SMG1: variants seen among roughly 807,000 people sequenced by gnomAD.
SMG1 encodes serine/threonine-protein kinase SMG1.
In SMG1, 22 loss-of-function variants were observed where a neutral mutation model predicts 419.9. The observed-to-expected ratio is 0.05, with a 90% confidence interval of 0.04 to 0.07. SMG1 has a LOEUF of 0.07. Among genes scored for constraint, SMG1 ranks in the 10% least tolerant of loss-of-function variants. SMG1 has a pLI of 1.00. For synonymous variants in SMG1, 1,538 were observed against 1,553.5 expected, an observed-to-expected ratio of 0.99 and a Z score of 0.23; for missense variants, 3,185 against 4,342.0, an observed-to-expected ratio of 0.73 and a Z score of 7.49.
At chr16:18,901,153 C>T (rs8044576) in intron 1 of SMG1, among the ~76,000 whole-genome samples, 74,709 of 151,700 alleles carry the variant, frequency 0.49, 18,730 homozygotes, top group Middle Eastern at 0.59. Flanking sequence ...TATAATTTAT[C>T]GGTAAAACTA....
intron 33 of SMG1, among the ~76,000 whole-genome samples, chr16:18,851,202 C>A (rs536897171): frequency 1.3e-5 from 2 of 152,370 alleles, no homozygotes; most frequent in Admixed American, 6.5e-5. Context: ...CTGCTGTTTA[C>A]AGCAAGAACT....
At chr16:18,893,381 T>G (rs2036969924) in intron 3 of SMG1, among the ~76,000 whole-genome samples, 1 of 152,186 alleles carries the variant, frequency 6.6e-6, no homozygotes, top group Non-Finnish European at 1.5e-5. Flanking sequence ...ACCCAGCACT[T>G]TGGAAGGCCA....
rs2034648373 is a variant in SMG1 at position 18,852,315 on chromosome 16, T to C, written c.4913+3A>G. The C allele has an allele frequency of 6.2e-7, 1 of 1,608,904 alleles. No homozygotes were observed. The highest frequency in any genetic ancestry group is 1.3e-5 in the African/African-American group (1 of 74,600). ...CATAAATAAACTACACATTTAAACA[T>C]ACCTGGCATTGTCAACCACCTTTCT... On this transcript the variant is annotated splice_donor_region_variant and intron_variant, in intron 32 of 62. Coordinates refer to ENST00000446231, the MANE Select transcript of SMG1 (RefSeq NM_015092.5).
intron 54 of SMG1, 118 bp downstream of exon 54, chr16:18,829,168 G>A: frequency 1.3e-6 from 1 of 769,726 alleles, no homozygotes; most frequent in South Asian, 1.9e-5. Flanking sequence ...GTTTGCATTG[G>A]GTTGCTGTGA....
intron 10 of SMG1, 37 bp from the exon 11 acceptor site, chr16:18,879,756 T>A (rs544406755): frequency 1.0e-5 from 16 of 1,554,152 alleles, no homozygotes; most frequent in South Asian, 7.9e-5. Context: ...TTTAAAAAAA[T>A]TCACGTGCTT....
In SMG1 at chr16:18,805,867, T is replaced by C. The variant is rs935470651; in HGVS notation, c.*3702A>G. On this transcript the variant is annotated 3_prime_UTR_variant, in exon 63 of 63. Transcript: ENST00000446231. ...AAACAAAGATGCTTAAATGTGCGAATAGTAAAGCATTCACTGATATTTGAT... is the reference window on the plus strand; with the variant it reads ...AAACAAAGATGCTTAAATGTGCGAACAGTAAAGCATTCACTGATATTTGAT... 1.3e-5 allele frequency: 2 copies of C among 152,582 alleles called. No individual in the cohort carries two copies. The highest frequency in any genetic ancestry group is 2.1e-4 in the South Asian group (1 of 4,834). The allele number at this position is 152,582 out of a possible 1,614,324, so 9.5% of individuals were successfully genotyped here.
At chr16:18,874,492 T>A (rs1031727913) in intron 13 of SMG1, among the ~76,000 whole-genome samples, 1 of 134,158 alleles carries the variant, frequency 7.5e-6, no homozygotes, top group Non-Finnish European at 1.6e-5. Flanking sequence ...TGTGGTCCAA[T>A]AGGAAGAAGA....
Position 18,853,345 on chromosome 16 carries a change from T to C in SMG1, c.4768+238A>G, listed in dbSNP as rs1376366919. On this transcript the variant is annotated intron_variant, in intron 31 of 62. Coordinates refer to ENST00000446231, the MANE Select transcript of SMG1 (RefSeq NM_015092.5). ...TTTTGATATGAGGGGCAGGATCTTA[T>C]TGCCAGCAAAAACATCTAAGTCCAT... 2.0e-5 allele frequency among the ~76,000 whole-genome samples: 3 copies of C among 152,298 alleles called. No homozygotes were observed. The South Asian group carries it at 6.2e-4, about 32-fold the overall frequency.
intron 55 of SMG1, among the ~76,000 whole-genome samples, chr16:18,827,478 A>ATCTTTGG (rs2032788342): frequency 1.4e-5 from 2 of 145,278 alleles, no homozygotes; most frequent in African/African-American, 2.5e-5. Context: ...ATTTTTATAT[A>ATCTTTGG]TATTTGGTAT....
intron 1 of SMG1, among the ~76,000 whole-genome samples, chr16:18,919,083 T>C (rs1420396102): frequency 1.3e-5 from 2 of 152,116 alleles, no homozygotes; most frequent in Admixed American, 1.3e-4. Context: ...TCCCAGCACT[T>C]TGGGAGGCCA....
At chr16:18,846,846 T>C (rs1049473663) in intron 38 of SMG1, among the ~76,000 whole-genome samples, 5 of 152,184 alleles carry the variant, frequency 3.3e-5, no homozygotes, top group Non-Finnish European at 7.3e-5. Context: ...AATTGCCATA[T>C]TGCCATACGA....
rs1283439563 is a variant in SMG1 at position 18,879,656 on chromosome 16, A to G, written c.1357T>C (p.Leu453=). The change falls in exon 11 of 63, where the codon TTG becomes CTG. Residue 453 remains leucine (L), a synonymous_variant. Coordinates refer to ENST00000446231, the MANE Select transcript of SMG1 (RefSeq NM_015092.5). The part of the protein sequence containing the change: ...ANQVFFSEAV[L]TAANECVGVL... ...CCAACACACTCATTAGCAGCTGTCA[A>G]CACAGCCTCAGAAAAAAACACCTGG... The G allele has an allele frequency of 6.5e-7, 1 of 1,538,392 alleles. No individual in the cohort carries two copies. Among genetic ancestry groups the G allele is most frequent in the African/African-American group, 1.4e-5 (1 of 73,500 alleles).
rs780761370 is a variant in SMG1 at position 18,819,602 on chromosome 16, C to A, written c.9794G>T (p.Gly3265Val). 3.1e-6 allele frequency: 5 copies of A among 1,594,676 alleles called. No individual in the cohort carries two copies. ...AGGGGCCAATGCAGGGTTGGCACCA[C>A]CTGCCCACTTGAGTCGCTGTTCAAT... ...SSIEQRLKWA[G>V]GANPALAPVL... is the part of the protein sequence containing the mutation. The change falls in exon 56 of 63, where the codon GGT becomes GTT. Residue 3265 changes from glycine to valine, a missense_variant. Gly to Val is a moderately radical substitution (Grantham distance 109). Transcript: ENST00000446231.
intron 3 of SMG1, 24 bp from the exon 4 acceptor site, chr16:18,892,378 T>C (rs2036922555): frequency 6.5e-7 from 1 of 1,538,146 alleles, no homozygotes; most frequent in Admixed American, 2.0e-5. Flanking sequence ...AACATTTTGT[T>C]GTCCATTGAG....
chr16:18,892,040 C>A (rs12926351), intron 4 of SMG1, among the ~76,000 whole-genome samples, 178 bp downstream of exon 4: 14,483 of 152,170 alleles, frequency 0.095, 741 homozygotes, highest in Middle Eastern at 0.18. Flanking sequence ...GCACTCCAGC[C>A]TGGGCGACAG....
intron 1 of SMG1, among the ~76,000 whole-genome samples, chr16:18,902,964 A>G (rs1362169661): frequency 6.6e-6 from 1 of 151,704 alleles, no homozygotes; most frequent in Non-Finnish European, 1.5e-5. Flanking sequence ...CCACAGGCTT[A>G]CTCCACCACG....
rs1567302534 is a variant in SMG1 at position 18,808,353 on chromosome 16, A to C, written c.*1216T>G. On this transcript the variant is annotated 3_prime_UTR_variant, in exon 63 of 63. Coordinates refer to ENST00000446231, the MANE Select transcript of SMG1 (RefSeq NM_015092.5). ...TTCATGTACATGTCCTAAAATGCCA[A>C]GTAAATTAAACAACTTTTAATTTAC... The C allele has an allele frequency of 6.6e-6, 1 of 152,222 alleles. No homozygotes were observed. Among genetic ancestry groups the C allele is most frequent in the African/African-American group, 2.4e-5 (1 of 41,458 alleles). 9.4% of individuals were successfully genotyped at this position (152,222 alleles called of 1,614,324 possible). A position where few individuals can be genotyped will look rare whatever the true frequency, so the allele number is the denominator to read the frequency against.
At chr16:18,854,991 T>C in intron 29 of SMG1, 87 bp from the exon 30 acceptor site, 4 of 1,298,358 alleles carry the variant, frequency 3.1e-6, no homozygotes, top group Non-Finnish European at 3.2e-6. Context: ...TCCCCAACTA[T>C]CCCTCTTCTG....
In SMG1 at chr16:18,885,166, G is replaced by A. The variant is rs1317001765; in HGVS notation, c.949-4C>T. On this transcript the variant is annotated splice_polypyrimidine_tract_variant and splice_region_variant and intron_variant, in intron 7 of 62. Transcript: ENST00000446231. ...CAACTAATATATCAACTGTATCCTT[G>A]ATGGAAACAAAGAGAGAGGGGGCCA... 1.1e-5 allele frequency: 9 copies of A among 845,428 alleles called. No homozygotes were observed. The South Asian group carries it at 1.2e-4, about 11-fold the overall frequency. 52.4% of individuals were successfully genotyped at this position (845,428 alleles called of 1,614,324 possible). A position where few individuals can be genotyped will look rare whatever the true frequency, so the allele number is the denominator to read the frequency against.
Sources: allele counts gnomAD v4.1 joint callset (sites outside exome capture counted in the v4.1 genomes callset), GRCh38; gene constraint gnomAD v4.1.1; transcripts MANE v1.5; gene names NCBI Gene and HGNC (gene_info 2026-07-23, HGNC 2026-07-21).